Variants in COL9A1 observed in about 807,000 individuals in gnomAD.
COL9A1 encodes collagen type IX alpha 1 chain, also known as collagen alpha-1(IX) chain.
Under a neutral mutation model 142.6 loss-of-function variants are expected in COL9A1, and 104 were observed. The observed-to-expected ratio is 0.73, with a 90% CI of 0.62 to 0.86. The LOEUF is 0.86. Among genes scored for constraint, COL9A1 ranks in the 40% least tolerant of loss-of-function variants. The pLI, the probability that COL9A1 is intolerant of heterozygous loss-of-function variation, is 0.00. For missense variants in COL9A1, 1,210 were observed against 1,176.6 expected (o/e 1.03, Z -0.42); for synonymous variants, 466 against 396.0 (o/e 1.18, Z -2.10).
At chr6:70,243,583 A>G (rs1404947945) in intron 28 of COL9A1, among the ~76,000 whole-genome samples, 7 of 151,872 alleles carry the variant, frequency 4.6e-5, no homozygotes, top group African/African-American at 1.7e-4. Context: ...GCTGGAGTGC[A>G]GTGGTGCGAT....
chr6:70,232,614 G>A lies in COL9A1; in HGVS notation c.2472C>T (p.Pro824=). ...GTCCCCTCAAACCAAGAGCACCAGGGGGCCCCTTAATGCCCGGAAGGCCAC... is the reference window on the plus strand; with the variant it reads ...GTCCCCTCAAACCAAGAGCACCAGGAGGCCCCTTAATGCCCGGAAGGCCAC... The part of the protein sequence containing the change: ...GIRGLPGIKG[P]PGALGLRGPK... The change falls in exon 36 of 38, where the codon CCC becomes CCT. Residue 824 remains proline (P), a synonymous_variant. Coordinates refer to ENST00000357250, the MANE Select transcript of COL9A1 (RefSeq NM_001851.6). 1 of 1,614,066 alleles carries A rather than the reference G, an allele frequency of 6.2e-7. No homozygotes were observed. The highest frequency in any genetic ancestry group is 1.3e-5 in the African/African-American group (1 of 75,044).
intron 5 of COL9A1, among the ~76,000 whole-genome samples, chr6:70,291,041 G>A (rs117925964): frequency 1.9e-3 from 282 of 152,010 alleles, no homozygotes; most frequent in Admixed American, 2.8e-3. Flanking sequence ...GTCTTCTAAG[G>A]GACAGGTAGT....
intron 5 of COL9A1, among the ~76,000 whole-genome samples, chr6:70,289,358 T>C (rs1450108509): frequency 6.6e-6 from 1 of 152,196 alleles, no homozygotes; most frequent in Non-Finnish European, 1.5e-5. Flanking sequence ...GTGTTTTTAG[T>C]TTTCTATTAA....
In COL9A1 at chr6:70,274,728, C is replaced by A. The variant is rs1275426077; in HGVS notation, c.1020G>T (p.Lys340Asn). 1.2e-6 allele frequency: 2 copies of A among 1,612,104 alleles called. No individual in the cohort carries two copies. The highest frequency in any genetic ancestry group is 1.7e-6 in the Non-Finnish European group (2 of 1,178,514). ...CAGATGGCTAACTTACTTTTTGTCC[C>A]TTTGACCCAATGGAGCCAGGGGATC... ...PDGSPGSIGS[K>N]GQKGEPGVPG... The change falls in exon 11 of 38, where the codon AAG becomes AAT. Residue 340 changes from lysine (K) to asparagine (N), a missense_variant. Physicochemically the swap from Lys to Asn is moderately conservative, Grantham distance 94. Coordinates refer to ENST00000357250, the MANE Select transcript of COL9A1 (RefSeq NM_001851.6).
rs1456555203 is a variant in COL9A1, at chr6:70,234,607, G to GA, written c.2260-15dup. The stretch of plus-strand genomic sequence containing the variant: ...CGGTGCTCTACCCTGGGACAGAAAA[G>GA]AAAAAAAGGCAGTTTATGCATGAAA... On this transcript the variant is annotated splice_polypyrimidine_tract_variant and intron_variant, in intron 34 of 37. Transcript: ENST00000357250. 1 of 1,613,944 alleles carries GA rather than the reference G, an allele frequency of 6.2e-7. No individual in the cohort carries two copies.
rs1202214074 is a variant in COL9A1 at position 70,263,362 on chromosome 6, A to C, written c.1342-65T>G. 15 of 1,422,460 alleles carry C rather than the reference A, an allele frequency of 1.1e-5. No homozygotes were observed. The East Asian group carries it at 3.3e-4, about 31-fold the overall frequency. The allele number at this position is 1,422,460 out of a possible 1,614,324, so 88.1% of individuals were successfully genotyped here. A position where few individuals can be genotyped will look rare whatever the true frequency, so the allele number is the denominator to read the frequency against. The stretch of plus-strand genomic sequence containing the variant: ...TATTCTAGCAAACGAACATAGAAAT[A>C]GGCTTGGTCTAACTCATTATGTTTT... On this transcript the variant is annotated intron_variant, in intron 18 of 37. Coordinates refer to ENST00000357250, the MANE Select transcript of COL9A1 (RefSeq NM_001851.6).
At position 70,271,790 on chromosome 6, in the gene COL9A1, T is replaced by C. The variant is rs562528934; in HGVS notation, c.1090-82A>G. On this transcript the variant is annotated intron_variant, in intron 13 of 37. Transcript: ENST00000357250. Reference sequence around the variant, plus strand: ...TACATTATATCAAATATGATAAATATTAGATTTACATTTCTGTATTAGCTT... The same window carrying C: ...TACATTATATCAAATATGATAAATACTAGATTTACATTTCTGTATTAGCTT... 41 of 1,346,958 alleles carry C rather than the reference T, an allele frequency of 3.0e-5. 1 individual carries two copies. In the East Asian group the frequency reaches 8.3e-4, roughly 27 times the overall value. The allele number at this position is 1,346,958 out of a possible 1,614,324, so 83.4% of individuals were successfully genotyped here.
intron 10 of COL9A1, among the ~76,000 whole-genome samples, chr6:70,276,137 A>G (rs1212712567): frequency 6.6e-6 from 1 of 152,172 alleles, no homozygotes; most frequent in African/African-American, 2.4e-5. Flanking sequence ...ACTGCCTTTG[A>G]TTTTCAATAG....
intron 30 of COL9A1, among the ~76,000 whole-genome samples, 154 bp downstream of exon 30, chr6:70,241,810 T>C (rs1023203938): frequency 8.5e-5 from 13 of 152,240 alleles, no homozygotes; most frequent in Admixed American, 4.6e-4. Context: ...TGCTTCTTAA[T>C]CTCAACTCTG....
rs1583235601 is a variant in COL9A1, at chr6:70,240,636, A to ATATATATATATATATAT, written c.2079+52_2079+53insATATATATATATATATA. Reference sequence around the variant, plus strand: ...GTTAGAAGTATATATATATACTTCTAACAGTTCAAAATTGGTAAAGCTTCA... The same window carrying ATATATATATATATATAT: ...GTTAGAAGTATATATATATACTTCTATATATATATATATATATACAGTTCAAAATTGGTAAAGCTTCA... On this transcript the variant is annotated intron_variant, in intron 32 of 37. Coordinates refer to ENST00000357250, the MANE Select transcript of COL9A1 (RefSeq NM_001851.6). 11 of 1,288,398 alleles carry ATATATATATATATATAT rather than the reference A, an allele frequency of 8.5e-6. No individual in the cohort carries two copies. In the East Asian group the frequency reaches 2.5e-4, roughly 30 times the overall value. 79.8% of individuals were successfully genotyped at this position (1,288,398 alleles called of 1,614,324 possible).
chr6:70,281,558 A>G (rs1056159833), intron 7 of COL9A1, 94 bp from the exon 8 acceptor site: 4 of 943,174 alleles, frequency 4.2e-6, no homozygotes, highest in Non-Finnish European at 4.8e-6. Flanking sequence ...CCGTGGGGTA[A>G]AAGTTACCTT....
rs768490920 is a variant in COL9A1 at position 70,280,982 on chromosome 6, C to T, written c.912+22G>A. 7 of 1,612,518 alleles carry T rather than the reference C, an allele frequency of 4.3e-6. No homozygotes were observed. In the East Asian group the frequency reaches 6.7e-5, roughly 15 times the overall value. ...ACGTCTAAAGGAAGGAAGTGGAGCG[C>T]CATATGCTCCAATCAACTTACCGGG... On this transcript the variant is annotated intron_variant, in intron 9 of 37. Coordinates refer to ENST00000357250, the MANE Select transcript of COL9A1 (RefSeq NM_001851.6).
At chr6:70,222,282 C>T (rs952931103) in intron 37 of COL9A1, among the ~76,000 whole-genome samples, 1 of 152,140 alleles carries the variant, frequency 6.6e-6, no homozygotes, top group Non-Finnish European at 1.5e-5. Flanking sequence ...TTAACATGTG[C>T]ATATATGCTC....
At chr6:70,291,936 C>A (rs1461596267) in intron 5 of COL9A1, among the ~76,000 whole-genome samples, 1 of 152,100 alleles carries the variant, frequency 6.6e-6, no homozygotes, top group African/African-American at 2.4e-5. Context: ...GCTATCTCTA[C>A]TTTCCATCTT....
At chr6:70,299,090 T>C (rs979890260) in intron 4 of COL9A1, among the ~76,000 whole-genome samples, 9 of 152,156 alleles carry the variant, frequency 5.9e-5, no homozygotes, top group Non-Finnish European at 1.0e-4. Context: ...AGTAAATTTA[T>C]AGAAAGAGCT....
intron 15 of COL9A1, 77 bp downstream of exon 15, chr6:70,270,237 T>G: frequency 7.0e-7 from 1 of 1,437,314 alleles, no homozygotes; most frequent in Non-Finnish European, 9.8e-7. Flanking sequence ...TAATAGGAAC[T>G]TCCATTTTGG....
intron 28 of COL9A1, among the ~76,000 whole-genome samples, chr6:70,243,177 A>C (rs1280636958): frequency 6.6e-6 from 1 of 152,260 alleles, no homozygotes; most frequent in African/African-American, 2.4e-5. Context: ...GAAACACATA[A>C]TAGATATGTT....
chr6:70,229,141 T>A (rs1769395817), intron 36 of COL9A1, among the ~76,000 whole-genome samples: 1 of 152,180 alleles, frequency 6.6e-6, no homozygotes, highest in South Asian at 2.1e-4. Flanking sequence ...TGTCTTTTGG[T>A]TATCAGTCAG....
intron 5 of COL9A1, among the ~76,000 whole-genome samples, chr6:70,286,388 C>CAA (rs1773451767): frequency 6.6e-6 from 1 of 152,122 alleles, no homozygotes; most frequent in Non-Finnish European, 1.5e-5. Flanking sequence ...AAGAACTAAA[C>CAA]AAAAACTAAC....
Sources: allele counts gnomAD v4.1 joint callset (sites outside exome capture counted in the v4.1 genomes callset), GRCh38; gene constraint gnomAD v4.1.1; transcripts MANE v1.5; gene names NCBI Gene and HGNC (gene_info 2026-07-23, HGNC 2026-07-21).